U2SURP: variants seen among roughly 807,000 people sequenced by gnomAD.
U2SURP encodes the protein U2 snRNP associated SURP domain containing, also known as U2 snRNP-associated SURP motif-containing protein.
A neutral mutation model predicts 144.9 loss-of-function variants in U2SURP; 9 were observed. The observed-to-expected ratio is 0.06, with a 90% confidence interval of 0.04 to 0.11. The LOEUF (loss-of-function observed/expected upper bound fraction) is 0.11. Ranked by LOEUF, U2SURP falls within the 10% of genes least tolerant of loss-of-function variation. The pLI, the probability that U2SURP is intolerant of heterozygous loss-of-function variation, is 1.00. For synonymous variants in U2SURP, 408 were observed against 396.8 expected (o/e 1.03, Z -0.33); for missense variants, 724 against 1,226.7 (o/e 0.59, Z 6.12).
Position 143,056,639 on chromosome 3 carries a change from T to A in U2SURP, c.*189T>A, listed in dbSNP as rs1380133691. On this transcript the variant is annotated 3_prime_UTR_variant, in exon 28 of 28. Transcript: ENST00000473835. ...CTGTCATTGTTTTATATTGTGTAAA[T>A]TACTTTCATTGTGGCTATTTCTCAA... 1 of 583,626 alleles carries A rather than the reference T, an allele frequency of 1.7e-6. No homozygotes were observed. The highest frequency in any genetic ancestry group is 1.9e-5 in the African/African-American group (1 of 53,754). The allele number at this position is 583,626 out of a possible 1,614,324, so 36.2% of individuals were successfully genotyped here.
intron 18 of U2SURP, among the ~76,000 whole-genome samples, chr3:143,033,638 C>T (rs750788124): frequency 6.6e-6 from 1 of 151,934 alleles, no homozygotes; most frequent in African/African-American, 2.4e-5. Flanking sequence ...TTGTAAGTAA[C>T]CTAGAGATGA....
At chr3:143,021,194 AAACAACAAC>A (rs566167262) in intron 8 of U2SURP, among the ~76,000 whole-genome samples, 147 bp from the exon 9 acceptor site, 2 of 152,060 alleles carry the variant, frequency 1.3e-5, no homozygotes, top group Admixed American at 6.6e-5. Flanking sequence ...CTGTCTCAAA[AAACAACAAC>A]AACAACAACA....
rs570551610 is a variant in U2SURP, at chr3:143,028,508, C to T, written c.1472C>T (p.Thr491Met). The T allele has an allele frequency of 1.8e-5, 28 of 1,594,598 alleles. No individual in the cohort carries two copies. The highest frequency in any genetic ancestry group is 5.8e-5 in the South Asian group (5 of 86,898). Residue 491 changes from threonine to methionine, a missense_variant, in exon 16 of 28, where the codon ACG (threonine) becomes ATG (methionine). Thr to Met is a moderately conservative substitution (Grantham distance 81). This residue lies in a region of U2SURP where 66 missense variants were observed against 95.0 expected (regional missense o/e 0.69). Coordinates refer to ENST00000473835, the MANE Select transcript of U2SURP (RefSeq NM_001080415.2). ...GGAGATTCTCCAACTAAATGGCGGA[C>T]GGAAGATTTTCGTATGTTCAAAAAT... ...LQGDSPTKWR[T>M]EDFRMFKNGS...
Position 143,056,242 on chromosome 3 carries a change from C to T in U2SURP, c.2952-70C>T, listed in dbSNP as rs192811497. On this transcript the variant is annotated intron_variant, in intron 27 of 27. Transcript: ENST00000473835. Reference sequence around the variant, plus strand: ...TGCCCTGTTAAAGATCATTTTCGATCGTTTAAGGATAAACAGTTTTGATCA... The same window carrying T: ...TGCCCTGTTAAAGATCATTTTCGATTGTTTAAGGATAAACAGTTTTGATCA... The T allele has an allele frequency of 2.9e-5, 42 of 1,468,764 alleles. 1 individual carries two copies. The East Asian group carries it at 6.6e-4, about 23-fold the overall frequency. 91.0% of individuals were successfully genotyped at this position (1,468,764 alleles called of 1,614,324 possible).
Position 143,037,152 on chromosome 3 carries a change from A to G in U2SURP, c.2065-27A>G, listed in dbSNP as rs370935805. 1,316 of 1,596,764 alleles carry G rather than the reference A, an allele frequency of 8.2e-4. 24 individuals are homozygous for G. The South Asian group carries it at 0.014, about 17-fold the overall frequency. ...ATGTGACTTCAGCAAGCAAAGGAAA[A>G]TGTTATAATAGTACACATTTCCATA... On this transcript the variant is annotated intron_variant, in intron 20 of 27. Coordinates refer to ENST00000473835, the MANE Select transcript of U2SURP (RefSeq NM_001080415.2).
chr3:143,023,157 G>A (rs1932931652), intron 12 of U2SURP, 93 bp downstream of exon 12: 2 of 1,159,024 alleles, frequency 1.7e-6, no homozygotes, highest in Middle Eastern at 2.5e-4. Context: ...GAAAATGTGT[G>A]TGTAATTCTG....
At position 143,036,038 on chromosome 3, in the gene U2SURP, A is replaced by T; in HGVS notation, c.1998A>T (p.Pro666=). Residue 666 remains proline (P), a synonymous_variant, in exon 20 of 28, where the codon CCA becomes CCT. Transcript: ENST00000473835. ...AAGATTGGGCAATTTATCCAGAACC[A>T]TTTTTGATCAAACTACAAAATATTT... The part of the protein sequence containing the change: ...AWEDWAIYPE[P]FLIKLQNIFL... The T allele has an allele frequency of 6.2e-7, 1 of 1,611,338 alleles. No individual in the cohort carries two copies. The highest frequency in any genetic ancestry group is 8.5e-7 in the Non-Finnish European group (1 of 1,179,036).
intron 12 of U2SURP, 175 bp downstream of exon 12, chr3:143,023,239 C>A: frequency 1.9e-6 from 1 of 539,160 alleles, no homozygotes; most frequent in East Asian, 3.2e-5. Flanking sequence ...ATTTGAAATA[C>A]TAGGTCATAT....
chr3:143,037,723 A>G (rs191835801), intron 21 of U2SURP, among the ~76,000 whole-genome samples: 1 of 152,232 alleles, frequency 6.6e-6, no homozygotes. Context: ...CAGTTTTCCT[A>G]GCTGCCTAAA....
chr3:143,034,897 A>G lies in U2SURP; in HGVS notation c.1863A>G (p.Thr621=), dbSNP rs1487280135. 1.3e-6 allele frequency: 2 copies of G among 1,596,482 alleles called. No individual in the cohort carries two copies. The highest frequency in any genetic ancestry group is 2.7e-5 in the African/African-American group (2 of 74,578). The change falls in exon 19 of 28, where the codon ACA becomes ACG. Residue 621 remains threonine (T), a synonymous_variant. Coordinates refer to ENST00000473835, the MANE Select transcript of U2SURP (RefSeq NM_001080415.2). ...NASYYRKFFE[T]KLCQIFSDLN... is the part of the protein sequence containing the mutation. ...GTTATTTGAATTTCAGTTTTGAAAC[A>G]AAGTTATGTCAGATATTTTCAGACC...
At chr3:143,011,186 T>C (rs531046140) in intron 2 of U2SURP, among the ~76,000 whole-genome samples, 3 of 152,156 alleles carry the variant, frequency 2.0e-5, no homozygotes, top group Non-Finnish European at 2.9e-5. Context: ...ACAAAACATA[T>C]GTTGGAAATC....
chr3:143,032,710 G>GT, intron 16 of U2SURP, 74 bp from the exon 17 acceptor site: 2 of 1,344,022 alleles, frequency 1.5e-6, no homozygotes, highest in Non-Finnish European at 2.1e-6. Flanking sequence ...AAAGAAATTA[G>GT]TTTGTGAGCA....
At chr3:143,014,477 TAGA>T (rs1395904096) in intron 4 of U2SURP, 68 bp downstream of exon 4, 8 of 1,066,554 alleles carry the variant, frequency 7.5e-6, no homozygotes, top group African/African-American at 1.6e-5. Flanking sequence ...GTAAGTGTAT[TAGA>T]GGAATGTTTC....
chr3:143,028,418 C>T lies in U2SURP; in HGVS notation c.1446+12C>T. 6.2e-7 allele frequency: 1 copy of T among 1,611,892 alleles called. No individual in the cohort carries two copies. The highest frequency in any genetic ancestry group is 1.1e-5 in the South Asian group (1 of 90,520). ...ATTCTATTCTGCAGGCAAGTAGAAT[C>T]AATTACTTTGTTAATTTTGACTCTG... On this transcript the variant is annotated intron_variant, in intron 15 of 27. Coordinates refer to ENST00000473835, the MANE Select transcript of U2SURP (RefSeq NM_001080415.2).
chr3:143,027,216 A>G lies in U2SURP; in HGVS notation c.1342A>G (p.Met448Val). 1.9e-6 allele frequency: 3 copies of G among 1,613,014 alleles called. No individual in the cohort carries two copies. Among genetic ancestry groups the G allele is most frequent in the Non-Finnish European group, 2.5e-6 (3 of 1,179,172 alleles). ...ACGTGAAGGGCCAATGTTTGAAGCT[A>G]TGATTATGAACAGAGAAATCAACAA... The part of the protein sequence containing the change: ...VVREGPMFEA[M>V]IMNREINNPM... The change falls in exon 14 of 28, where the codon ATG becomes GTG. Residue 448 changes from methionine to valine, a missense_variant. This residue lies in a region of U2SURP where 64 missense variants were observed against 164.1 expected (regional missense o/e 0.39). Transcript: ENST00000473835.
rs1935295696 is a variant in U2SURP, at chr3:143,059,609, T to C, written c.*3159T>C. The C allele has an allele frequency of 6.6e-6, 1 of 151,946 alleles. No homozygotes were observed. The highest frequency in any genetic ancestry group is 2.4e-5 in the African/African-American group (1 of 41,424). 9.4% of individuals were successfully genotyped at this position (151,946 alleles called of 1,614,324 possible). ...TAAATAAATCTCTGTATTGCCAAAGTGACTTAAACTGTTCTGATGACCACA... is the reference window on the plus strand; with the variant it reads ...TAAATAAATCTCTGTATTGCCAAAGCGACTTAAACTGTTCTGATGACCACA... On this transcript the variant is annotated 3_prime_UTR_variant, in exon 28 of 28. Coordinates refer to ENST00000473835, the MANE Select transcript of U2SURP (RefSeq NM_001080415.2).
chr3:143,008,987 G>C (rs1560174887), intron 1 of U2SURP, among the ~76,000 whole-genome samples: 1 of 152,064 alleles, frequency 6.6e-6, no homozygotes, highest in African/African-American at 2.4e-5. Flanking sequence ...TGATCCACCC[G>C]CCTCGGCCTC....
At chr3:143,049,692 T>G (rs1934746406) in intron 24 of U2SURP, among the ~76,000 whole-genome samples, 1 of 152,222 alleles carries the variant, frequency 6.6e-6, no homozygotes, top group African/African-American at 2.4e-5. Flanking sequence ...CCTTTAAGCC[T>G]TAGGATAGTT....
At chr3:143,046,091 TA>T (rs1560202214) in intron 24 of U2SURP, among the ~76,000 whole-genome samples, 1 of 152,014 alleles carries the variant, frequency 6.6e-6, no homozygotes, top group African/African-American at 2.4e-5. Context: ...TTCTATAGTA[TA>T]TATACTGTAA....
Sources: allele counts gnomAD v4.1 joint callset (sites outside exome capture counted in the v4.1 genomes callset), GRCh38; gene constraint gnomAD v4.1.1; regional missense constraint gnomAD v4.1.1; transcripts MANE v1.5; gene names NCBI Gene and HGNC (gene_info 2026-07-23, HGNC 2026-07-21).